Variants in SLC8A1 observed in about 807,000 individuals in gnomAD.
SLC8A1 encodes sodium/calcium exchanger 1.
Under a neutral mutation model 68.3 loss-of-function variants are expected in SLC8A1, and 18 were observed. The observed-to-expected ratio is 0.26, with a 90% CI of 0.18 to 0.39. SLC8A1 has a LOEUF of 0.39. Among genes scored for constraint, SLC8A1 ranks in the 10% least tolerant of loss-of-function variants. The pLI, the probability that SLC8A1 is intolerant of heterozygous loss-of-function variation, is 1.00. For missense variants in SLC8A1, 985 were observed against 1,156.7 expected (o/e 0.85, Z 2.15); for synonymous variants, 475 against 415.5 (o/e 1.14, Z -1.74).
intron 2 of SLC8A1, among the ~76,000 whole-genome samples, chr2:40,179,637 G>A (rs966829922): frequency 2.0e-5 from 3 of 152,170 alleles, no homozygotes; most frequent in Non-Finnish European, 2.9e-5. Flanking sequence ...ATGAGTGTTT[G>A]TAGACAACGG....
intron 6 of SLC8A1, among the ~76,000 whole-genome samples, chr2:40,147,646 G>A (rs114677053): frequency 0.01 from 1,598 of 152,248 alleles, 24 homozygotes; most frequent in African/African-American, 0.036. Flanking sequence ...AAGCTGAGTC[G>A]TGAAGCAACT....
chr2:40,278,677 C>G (rs1271718384), intron 2 of SLC8A1, among the ~76,000 whole-genome samples: 1 of 152,012 alleles, frequency 6.6e-6, no homozygotes, highest in Non-Finnish European at 1.5e-5. Flanking sequence ...CCTTCATTTT[C>G]TCTTATGAGG....
intron 2 of SLC8A1, among the ~76,000 whole-genome samples, chr2:40,354,075 T>A (rs1671953442): frequency 2.0e-5 from 3 of 152,202 alleles, no homozygotes; most frequent in Non-Finnish European, 4.4e-5. Flanking sequence ...GGGTTGCAAG[T>A]CAAATAATAA....
intron 1 of SLC8A1, among the ~76,000 whole-genome samples, chr2:40,443,514 C>A (rs1489414501): frequency 6.6e-6 from 1 of 152,126 alleles, no homozygotes; most frequent in Non-Finnish European, 1.5e-5. Context: ...CACAGACGTA[C>A]CTTCTTAGAT....
At chr2:40,343,661 A>G (rs1376029608) in intron 2 of SLC8A1, among the ~76,000 whole-genome samples, 1 of 152,182 alleles carries the variant, frequency 6.6e-6, no homozygotes, top group Non-Finnish European at 1.5e-5. Flanking sequence ...TTTTTAAAGC[A>G]CAGATTATTA....
At chr2:40,210,668 C>T (rs7583602) in intron 2 of SLC8A1, among the ~76,000 whole-genome samples, 17,492 of 152,126 alleles carry the variant, frequency 0.11, 1,086 homozygotes, top group Non-Finnish European at 0.13. Flanking sequence ...TTTCCTGTTT[C>T]ACCAGAAATT....
chr2:40,373,387 T>A (rs28718292), intron 2 of SLC8A1, among the ~76,000 whole-genome samples: 2,844 of 152,156 alleles, frequency 0.019, 84 homozygotes, highest in African/African-American at 0.064. Context: ...AAATCTCCCA[T>A]GTTCAAAATT....
intron 2 of SLC8A1, among the ~76,000 whole-genome samples, chr2:40,208,772 G>T (rs1380802845): frequency 2.6e-5 from 4 of 152,022 alleles, no homozygotes; most frequent in Non-Finnish European, 4.4e-5. Flanking sequence ...GAAACCAGAG[G>T]GCAATTAGTG....
At chr2:40,246,179 G>C (rs536556627) in intron 2 of SLC8A1, among the ~76,000 whole-genome samples, 78 of 152,224 alleles carry the variant, frequency 5.1e-4, no homozygotes, top group Non-Finnish European at 1.0e-3. Context: ...CCAGATGTAG[G>C]TTTTATAGTT....
intron 2 of SLC8A1, among the ~76,000 whole-genome samples, chr2:40,414,051 T>A (rs1693048250): frequency 6.6e-6 from 1 of 152,180 alleles, no homozygotes. Context: ...GGCACCATAA[T>A]GGCATGAACA....
intron 2 of SLC8A1, among the ~76,000 whole-genome samples, chr2:40,229,974 A>C (rs1037107295): frequency 2.0e-5 from 3 of 152,122 alleles, no homozygotes; most frequent in Admixed American, 2.0e-4. Flanking sequence ...TTCTATGAAA[A>C]ATCTTAGAGA....
intron 1 of SLC8A1, among the ~76,000 whole-genome samples, chr2:40,458,470 G>A (rs1009554037): frequency 2.9e-5 from 4 of 137,650 alleles, no homozygotes; most frequent in Non-Finnish European, 3.2e-5. Flanking sequence ...GGTGTAGATG[G>A]AAAGAAGGAT....
intron 7 of SLC8A1, among the ~76,000 whole-genome samples, chr2:40,129,757 A>G (rs1572899978): frequency 6.6e-6 from 1 of 152,256 alleles, no homozygotes; most frequent in East Asian, 1.9e-4. Flanking sequence ...ATGAACGCAC[A>G]CCTGTACAGC....
At chr2:40,375,354 A>T (rs866922108) in intron 2 of SLC8A1, among the ~76,000 whole-genome samples, 3 of 152,104 alleles carry the variant, frequency 2.0e-5, no homozygotes, top group African/African-American at 4.8e-5. Context: ...TTTCCAATCC[A>T]ATTAGGGAAT....
At position 40,484,891 on chromosome 2, in the gene SLC8A1, G is replaced by T. The variant is rs1704855436; in HGVS notation, c.-25+27458C>A. 2.0e-5 allele frequency among the ~76,000 whole-genome samples: 3 copies of T among 152,122 alleles called. No individual in the cohort carries two copies. The South Asian group carries it at 6.2e-4, about 31-fold the overall frequency. ...AGCAGAAGGATGCTGGAGGTGGAAG[G>T]GGAAGCCAGAGAGATATGCATTGCT... On this transcript the variant is annotated intron_variant, in intron 1 of 7. Transcript: ENST00000402441.
intron 1 of SLC8A1, among the ~76,000 whole-genome samples, chr2:40,495,523 A>T (rs78364474): frequency 0.024 from 3,601 of 152,164 alleles, 138 homozygotes; most frequent in Admixed American, 0.098. Flanking sequence ...AAGGAATATC[A>T]GGGAAAAATG....
chr2:40,277,792 G>GTATATATATATA (rs750119043), intron 2 of SLC8A1, among the ~76,000 whole-genome samples: 4 of 92,180 alleles, frequency 4.3e-5, no homozygotes, highest in African/African-American at 1.4e-4. Flanking sequence ...ATATATATGT[G>GTATATATATATA]TGTATATATA....
intron 2 of SLC8A1, among the ~76,000 whole-genome samples, chr2:40,352,590 C>G (rs1056762689): frequency 6.6e-6 from 1 of 152,126 alleles, no homozygotes; most frequent in Non-Finnish European, 1.5e-5. Flanking sequence ...CTGTAAAACT[C>G]TGGATGTAAT....
intron 2 of SLC8A1, among the ~76,000 whole-genome samples, chr2:40,400,830 C>G (rs1209940779): frequency 6.6e-6 from 1 of 152,176 alleles, no homozygotes; most frequent in Non-Finnish European, 1.5e-5. Flanking sequence ...TGTCTGCCAA[C>G]TGGCATAGGG....
Sources: gnomAD v4.1 joint callset for allele counts (sites outside exome capture counted in the v4.1 genomes callset) on GRCh38, gnomAD v4.1.1 for gene constraint, MANE v1.5 for transcripts, NCBI Gene and HGNC (gene_info 2026-07-23, HGNC 2026-07-21) for gene names.